Variants in GOLGA1 observed in about 807,000 individuals in gnomAD.
GOLGA1 encodes golgin subfamily A member 1.
Under a neutral mutation model 119.7 loss-of-function variants are expected in GOLGA1, and 63 were observed. That is an observed-to-expected ratio of 0.53 (90% CI 0.43 to 0.65). GOLGA1 has a LOEUF of 0.65. Ranked by LOEUF, GOLGA1 falls within the 30% of genes least tolerant of loss-of-function variation. The probability of loss-of-function intolerance (pLI) is 0.00; values close to 1 mark genes in which losing one functional copy is unlikely to be tolerated. For missense variants in GOLGA1, 798 were observed against 912.8 expected (o/e 0.87, Z 1.62); for synonymous variants, 318 against 333.4 (o/e 0.95, Z 0.50).
intron 12 of GOLGA1, among the ~76,000 whole-genome samples, chr9:124,904,853 G>A (rs986829944): frequency 5.3e-5 from 8 of 151,478 alleles, no homozygotes; most frequent in Non-Finnish European, 7.4e-5. Flanking sequence ...CAGGAGAACT[G>A]CTTGAACCAG....
chr9:124,911,472 C>G (rs1830340897), intron 11 of GOLGA1, among the ~76,000 whole-genome samples: 1 of 152,198 alleles, frequency 6.6e-6, no homozygotes, highest in Non-Finnish European at 1.5e-5. Flanking sequence ...GGGAAGAGGC[C>G]AGTCTGCACA....
intron 13 of GOLGA1, 169 bp downstream of exon 13, chr9:124,900,283 G>C: frequency 6.0e-6 from 3 of 496,572 alleles, no homozygotes; most frequent in Non-Finnish European, 1.1e-5. Flanking sequence ...ATTAGGTCCT[G>C]ACTCCCTCCA....
rs1258647390 is a variant in GOLGA1, at chr9:124,939,750, C to T, written c.-156+356G>A. On this transcript the variant is annotated intron_variant, in intron 2 of 22. Transcript: ENST00000373555. ...GCTTATTTTATATTTTTAGTAGAGA[C>T]GAGGTTTCTCCGTGTTGGTCAGGCT... Among the ~76,000 whole-genome samples, 4 of 151,754 alleles carry T rather than the reference C, an allele frequency of 2.6e-5. No individual in the cohort carries two copies. The South Asian group carries it at 6.2e-4, about 24-fold the overall frequency.
intron 10 of GOLGA1, among the ~76,000 whole-genome samples, chr9:124,914,768 C>A (rs1331772826): frequency 6.6e-6 from 1 of 152,186 alleles, no homozygotes; most frequent in Non-Finnish European, 1.5e-5. Context: ...AATTTAAATC[C>A]AGGTCTTCTG....
At chr9:124,911,052 C>T (rs1342423403) in intron 11 of GOLGA1, among the ~76,000 whole-genome samples, 1 of 152,262 alleles carries the variant, frequency 6.6e-6, no homozygotes, top group Non-Finnish European at 1.5e-5. Context: ...TCCCTAGAAC[C>T]CACATTACAC....
chr9:124,923,192 T>A lies in GOLGA1; in HGVS notation c.464A>T (p.Glu155Val). The change falls in exon 8 of 23, where the codon GAA becomes GTA. Residue 155 changes from glutamate (E) to valine (V), a missense_variant. Transcript: ENST00000373555. Reference sequence around the variant, plus strand: ...AAGATTCATACTCTGGTTCTTCATTTCCTGTAACTGGGCTGTCAGAATATT... The same window carrying A: ...AAGATTCATACTCTGGTTCTTCATTACCTGTAACTGGGCTGTCAGAATATT... ...EKNILTAQLQ[E>V]MKNQSMNLFQ... 6.3e-7 allele frequency: 1 copy of A among 1,599,686 alleles called. No individual in the cohort carries two copies. Among genetic ancestry groups the A allele is most frequent in the South Asian group, 1.1e-5 (1 of 90,172 alleles).
At chr9:124,894,235 G>A (rs1044376138) in intron 15 of GOLGA1, among the ~76,000 whole-genome samples, 30 of 152,086 alleles carry the variant, frequency 2.0e-4, no homozygotes, top group African/African-American at 7.0e-4. Context: ...TTCTCTGTCG[G>A]CCCCTCCTTT....
intron 19 of GOLGA1, among the ~76,000 whole-genome samples, chr9:124,884,139 G>A (rs549541215): frequency 6.6e-6 from 1 of 151,914 alleles, no homozygotes; most frequent in African/African-American, 2.4e-5. Context: ...AGTCTCCTGA[G>A]TAGCTGGGAT....
intron 16 of GOLGA1, 52 bp downstream of exon 16, chr9:124,890,337 T>C: frequency 8.2e-7 from 1 of 1,212,990 alleles, no homozygotes; most frequent in African/African-American, 1.5e-5. Flanking sequence ...ATGGGCCTGC[T>C]GCCTGTGGGA....
At chr9:124,884,258 C>T (rs900854970) in intron 19 of GOLGA1, among the ~76,000 whole-genome samples, 1 of 147,598 alleles carries the variant, frequency 6.8e-6, no homozygotes, top group Non-Finnish European at 1.5e-5. Flanking sequence ...GTGATCTGCC[C>T]GCCTTGGCCT....
chr9:124,944,068 C>T (rs1462089679), upstream of GOLGA1: 14 of 152,080 alleles, frequency 9.2e-5, no homozygotes, highest in Admixed American at 9.2e-4. Flanking sequence ...GAAGAATCAT[C>T]CAAAATCTAA....
At chr9:124,925,083 A>T (rs1345595457) in intron 7 of GOLGA1, among the ~76,000 whole-genome samples, 1 of 151,636 alleles carries the variant, frequency 6.6e-6, no homozygotes, top group Admixed American at 6.6e-5. Flanking sequence ...CCGTCTCAAA[A>T]AAAAAAAAGA....
At chr9:124,933,916 C>T (rs1830817142) in intron 3 of GOLGA1, among the ~76,000 whole-genome samples, 1 of 152,188 alleles carries the variant, frequency 6.6e-6, no homozygotes, top group African/African-American at 2.4e-5. Context: ...CCTGTTTCCT[C>T]CAAGCTTTTC....
At position 124,921,687 on chromosome 9, in the gene GOLGA1, AC is replaced by A. The variant is rs1379598325; in HGVS notation, c.731+35del. On this transcript the variant is annotated intron_variant, in intron 9 of 22. Transcript: ENST00000373555. ...AGGCTATAGCCAGAACTACACTAACACCTCTTCCCAAGGGCCCCACAGACCA... is the reference window on the plus strand; with the variant it reads ...AGGCTATAGCCAGAACTACACTAACACTCTTCCCAAGGGCCCCACAGACCA... 4 of 1,540,440 alleles carry A rather than the reference AC, an allele frequency of 2.6e-6. No individual in the cohort carries two copies. In the East Asian group the frequency reaches 6.7e-5, roughly 26 times the overall value.
chr9:124,898,241 G>C (rs1456414449), intron 15 of GOLGA1, among the ~76,000 whole-genome samples: 1 of 152,200 alleles, frequency 6.6e-6, no homozygotes, highest in African/African-American at 2.4e-5. Flanking sequence ...CACAGAGGAA[G>C]GGCTGGCCTC....
Position 124,894,380 on chromosome 9 carries a change from T to TTGTG in GOLGA1, c.1408-3906_1408-3903dup, listed in dbSNP as rs35289660. ...ATTGATGGTTTCCTAATTTAAAGTT[T>TTGTG]TGTGTGTGTGTGTGTGTGTGTGTGT... is the stretch of plus-strand genomic sequence containing the variant. On this transcript the variant is annotated intron_variant, in intron 15 of 22. Transcript: ENST00000373555. 1.8e-3 allele frequency among the ~76,000 whole-genome samples: 271 copies of TTGTG among 147,832 alleles called. 2 individuals are homozygous for TTGTG. The highest frequency in any genetic ancestry group is 6.8e-3 in the Middle Eastern group (2 of 292).
At chr9:124,897,126 C>T (rs1010661878) in intron 15 of GOLGA1, among the ~76,000 whole-genome samples, 1 of 152,156 alleles carries the variant, frequency 6.6e-6, no homozygotes, top group Non-Finnish European at 1.5e-5. Context: ...TATTTCTCCT[C>T]AAATATTCAC....
At chr9:124,943,618 C>T (rs1831094840), upstream of GOLGA1, 3 of 152,260 alleles carry the variant, frequency 2.0e-5, no homozygotes, top group South Asian at 6.2e-4. Context: ...ACTAGAAAAT[C>T]GAGTAATTAT....
chr9:124,900,632 A>G, intron 12 of GOLGA1, 85 bp from the exon 13 acceptor site: 3 of 630,290 alleles, frequency 4.8e-6, no homozygotes, highest in Non-Finnish European at 2.9e-6. Context: ...AGCGATTTAA[A>G]TAAAACAGGT....
Sources: allele counts gnomAD v4.1 joint callset (sites outside exome capture counted in the v4.1 genomes callset), GRCh38; gene constraint gnomAD v4.1.1; transcripts MANE v1.5; gene names NCBI Gene and HGNC (gene_info 2026-07-23, HGNC 2026-07-21).